ELP4: variants seen among roughly 807,000 people sequenced by gnomAD.
The protein encoded by ELP4 is elongator complex protein 4.
Under a neutral mutation model 48.9 loss-of-function variants are expected in ELP4, and 51 were observed. The ratio of observed to expected loss-of-function variants is 1.04; its 90% confidence interval spans 0.83 to 1.32. The LOEUF (loss-of-function observed/expected upper bound fraction) is 1.32, where lower values mean the gene tolerates loss of function less well. Ranked by LOEUF, ELP4 falls within the 40% of genes most tolerant of loss-of-function variation. ELP4 has a pLI of 0.00. For synonymous variants in ELP4, 210 were observed against 189.2 expected, an observed-to-expected ratio of 1.11 and a Z score of -0.90; for missense variants, 519 against 514.6, an observed-to-expected ratio of 1.01 and a Z score of -0.08.
chr11:31,740,051 T>A lies in ELP4; in HGVS notation c.1144-43342T>A, dbSNP rs565359871. 2.0e-5 allele frequency among the ~76,000 whole-genome samples: 3 copies of A among 152,330 alleles called. No homozygotes were observed. The East Asian group carries it at 5.8e-4, about 29-fold the overall frequency. On this transcript the variant is annotated intron_variant, in intron 9 of 9. Coordinates refer to ENST00000640961, the MANE Select transcript of ELP4 (RefSeq NM_019040.5). ...TTGCCAAGAGAAGCTTTAAGAAAGG[T>A]AGTTTTATAGTCAGAGGTTATACAG... is the stretch of plus-strand genomic sequence containing the variant.
At chr11:31,515,683 G>T (rs1229391652) in intron 1 of ELP4, among the ~76,000 whole-genome samples, 1 of 151,776 alleles carries the variant, frequency 6.6e-6, no homozygotes, top group Non-Finnish European at 1.5e-5. Context: ...CAAAAAAAAG[G>T]AATTGCCAAA....
intron 3 of ELP4, among the ~76,000 whole-genome samples, chr11:31,544,281 C>T (rs895519833): frequency 5.3e-5 from 8 of 152,316 alleles, no homozygotes; most frequent in African/African-American, 1.7e-4. Flanking sequence ...CCTGGAAAAT[C>T]GGGTCACTCC....
At chr11:31,612,719 G>A (rs1409779519) in intron 5 of ELP4, among the ~76,000 whole-genome samples, 1 of 152,136 alleles carries the variant, frequency 6.6e-6, no homozygotes, top group African/African-American at 2.4e-5. Flanking sequence ...GTAATATTGG[G>A]TGAGAATAAG....
intron 3 of ELP4, among the ~76,000 whole-genome samples, chr11:31,553,757 CA>C (rs1956888949): frequency 1.3e-5 from 2 of 151,606 alleles, no homozygotes; most frequent in African/African-American, 4.9e-5. Context: ...CACACACACA[CA>C]CACACACCCT....
rs138581238 is a variant in ELP4 at position 31,737,036 on chromosome 11, T to C, written c.1144-46357T>C. Among the ~76,000 whole-genome samples, 202 of 152,336 alleles carry C rather than the reference T, an allele frequency of 1.3e-3. 4 individuals carry two copies. The highest frequency in any genetic ancestry group is 0.012 in the East Asian group (64 of 5,188). ...TGCACACGTATGTTTATTGCAGCAC[T>C]ATTCACAATAGCAAAGACTTGGAAC... is the stretch of plus-strand genomic sequence containing the variant. On this transcript the variant is annotated intron_variant, in intron 9 of 9. Coordinates refer to ENST00000640961, the MANE Select transcript of ELP4 (RefSeq NM_019040.5).
At chr11:31,749,394 A>G (rs1947668842) in intron 9 of ELP4, among the ~76,000 whole-genome samples, 1 of 152,230 alleles carries the variant, frequency 6.6e-6, no homozygotes, top group South Asian at 2.1e-4. Flanking sequence ...AGAGTACGGA[A>G]AAACTGATTA....
At chr11:31,523,312 A>G (rs1272473526) in intron 2 of ELP4, among the ~76,000 whole-genome samples, 1 of 152,216 alleles carries the variant, frequency 6.6e-6, no homozygotes, top group Non-Finnish European at 1.5e-5. Context: ...TGGTATTACT[A>G]TATTGCTCAT....
intron 2 of ELP4, among the ~76,000 whole-genome samples, chr11:31,521,335 C>T (rs1381408969): frequency 6.6e-6 from 1 of 151,498 alleles, no homozygotes; most frequent in Non-Finnish European, 1.5e-5. Context: ...ACTAAATATA[C>T]TTCATGTTAT....
intron 3 of ELP4, among the ~76,000 whole-genome samples, chr11:31,564,669 G>A (rs559006320): frequency 6.6e-6 from 1 of 152,150 alleles, no homozygotes; most frequent in Admixed American, 6.5e-5. Flanking sequence ...GAGAATGATG[G>A]TTTCCAGCTT....
At chr11:31,589,550 G>A (rs1018134385) in intron 3 of ELP4, among the ~76,000 whole-genome samples, 1 of 152,090 alleles carries the variant, frequency 6.6e-6, no homozygotes. Context: ...CAGAACCTTG[G>A]ATTCTTCACA....
intron 9 of ELP4, among the ~76,000 whole-genome samples, chr11:31,735,494 G>GA (rs1288580173): frequency 1.3e-5 from 2 of 152,150 alleles, no homozygotes; most frequent in Non-Finnish European, 2.9e-5. Context: ...GCAAGAGAAG[G>GA]AAATACAGGG....
At chr11:31,579,237 A>G (rs1336375172) in intron 3 of ELP4, among the ~76,000 whole-genome samples, 1 of 152,246 alleles carries the variant, frequency 6.6e-6, no homozygotes. Context: ...ACAATGAGAT[A>G]CCATCTCACA....
intron 3 of ELP4, among the ~76,000 whole-genome samples, chr11:31,541,774 G>A (rs75237469): frequency 1.2e-3 from 177 of 152,246 alleles, no homozygotes; most frequent in African/African-American, 4.1e-3. Context: ...AAATCTTAGT[G>A]TACTTTACAT....
Position 31,553,762 on chromosome 11 carries a change from A to ACACACC in ELP4, c.381+13982_381+13983insACCCAC, listed in dbSNP as rs1175149477. On this transcript the variant is annotated intron_variant, in intron 3 of 9. Coordinates refer to ENST00000640961, the MANE Select transcript of ELP4 (RefSeq NM_019040.5). The stretch of plus-strand genomic sequence containing the variant: ...CACACACACACACACACACACACAC[A>ACACACC]CACCCTATTGGTTCAGTTTCTCTAG... Among the ~76,000 whole-genome samples the ACACACC allele has an allele frequency of 2.0e-5, 3 of 149,002 alleles. No individual in the cohort carries two copies. In the East Asian group the frequency reaches 6.1e-4, roughly 30 times the overall value.
intron 3 of ELP4, among the ~76,000 whole-genome samples, chr11:31,577,217 C>G (rs1400596213): frequency 2.6e-5 from 4 of 152,152 alleles, no homozygotes; most frequent in Non-Finnish European, 4.4e-5. Flanking sequence ...CACATACACC[C>G]TCCCACGACT....
intron 9 of ELP4, among the ~76,000 whole-genome samples, chr11:31,776,671 T>C (rs995085626): frequency 3.9e-5 from 6 of 152,308 alleles, no homozygotes; most frequent in African/African-American, 1.2e-4. Context: ...TCAAAATAAT[T>C]GCACACCTGA....
At chr11:31,648,166 G>A (rs986727587) in intron 8 of ELP4, 7 of 176,892 alleles carry the variant, frequency 4.0e-5, no homozygotes, top group African/African-American at 9.5e-5. Context: ...AATAAATATC[G>A]TATTAATTCT....
At chr11:31,589,536 A>G (rs11824007) in intron 3 of ELP4, among the ~76,000 whole-genome samples, 1,657 of 152,324 alleles carry the variant, frequency 0.011, 39 homozygotes, top group African/African-American at 0.038. Flanking sequence ...GCAAGATTAA[A>G]TTACAGAACC....
chr11:31,553,897 C>G (rs929646743), intron 3 of ELP4, among the ~76,000 whole-genome samples: 1 of 152,120 alleles, frequency 6.6e-6, no homozygotes, highest in Non-Finnish European at 1.5e-5. Flanking sequence ...CAGCAGGCAA[C>G]TAAACAAAGC....
Sources: gnomAD v4.1 joint callset for allele counts (sites outside exome capture counted in the v4.1 genomes callset) on GRCh38, gnomAD v4.1.1 for gene constraint, MANE v1.5 for transcripts, NCBI Gene and HGNC (gene_info 2026-07-23, HGNC 2026-07-21) for gene names.